Variants in SIPA1L2 observed in about 807,000 individuals in gnomAD.
The protein encoded by SIPA1L2 is signal-induced proliferation-associated 1-like protein 2.
Under a neutral mutation model 163.9 loss-of-function variants are expected in SIPA1L2, and 56 were observed. The observed-to-expected ratio is 0.34, with a 90% CI of 0.28 to 0.43. The LOEUF is 0.43. Among genes scored for constraint, SIPA1L2 ranks in the 20% least tolerant of loss-of-function variants. SIPA1L2 has a pLI of 1.00. For missense variants in SIPA1L2, 1,974 were observed against 2,193.5 expected (o/e 0.90, Z 2.00); for synonymous variants, 877 against 865.7 (o/e 1.01, Z -0.23).
At chr1:232,536,082 G>C (rs576602940) in intron 2 of SIPA1L2, among the ~76,000 whole-genome samples, 56 of 152,352 alleles carry the variant, frequency 3.7e-4, no homozygotes, top group African/African-American at 1.3e-3. Context: ...AATCTGGTGA[G>C]AAGAGATTTG....
intron 2 of SIPA1L2, among the ~76,000 whole-genome samples, chr1:232,537,016 G>A (rs1055718644): frequency 3.3e-5 from 5 of 152,134 alleles, no homozygotes; most frequent in Non-Finnish European, 7.3e-5. Context: ...CAGGTGGATC[G>A]CTGAAGCTCA....
At chr1:232,527,155 C>A (rs1375936793) in intron 2 of SIPA1L2, among the ~76,000 whole-genome samples, 1 of 152,166 alleles carries the variant, frequency 6.6e-6, no homozygotes, top group African/African-American at 2.4e-5. Flanking sequence ...ATAAACTTGT[C>A]CTAAAATAAA....
At chr1:232,544,146 T>A (rs7549623) in intron 2 of SIPA1L2, among the ~76,000 whole-genome samples, 32,056 of 152,108 alleles carry the variant, frequency 0.21, 3,528 homozygotes, top group East Asian at 0.32. Flanking sequence ...TTTTATCCTC[T>A]TATTCACGGA....
chr1:232,534,596 G>C (rs1442373113), intron 2 of SIPA1L2, among the ~76,000 whole-genome samples: 1 of 152,184 alleles, frequency 6.6e-6, no homozygotes, highest in Non-Finnish European at 1.5e-5. Flanking sequence ...ACCAAACAAA[G>C]TGAAAAGGCA....
In SIPA1L2 at chr1:232,445,690, G is replaced by A. The variant is rs12757779; in HGVS notation, c.3192C>T (p.Thr1064=). ...CEYKTPFRRN[T]TWHRVPTPAL... ...CAGGAGTGGGCACCCGGTGCCACGT[G>A]GTGTTCCTCCTGAAGGGGGTTTTAT... The change falls in exon 11 of 23, where the codon ACC becomes ACT. Residue 1064 remains threonine (T), a synonymous_variant. Transcript: ENST00000674635. The A allele has an allele frequency of 0.19, 312,095 of 1,613,200 alleles. 33,140 individuals are homozygous for A. The highest frequency in any genetic ancestry group is 0.22 in the Non-Finnish European group (259,867 of 1,179,550).
At chr1:232,480,146 TGTGTGTGC>T (rs1251438897) in intron 6 of SIPA1L2, among the ~76,000 whole-genome samples, 1 of 124,250 alleles carries the variant, frequency 8.0e-6, no homozygotes, top group African/African-American at 3.8e-5. Flanking sequence ...CATCTGTGTG[TGTGTGTGC>T]GTGTGTGTGT....
At chr1:232,524,888 C>G (rs996438885) in intron 2 of SIPA1L2, among the ~76,000 whole-genome samples, 1 of 152,094 alleles carries the variant, frequency 6.6e-6, no homozygotes, top group Non-Finnish European at 1.5e-5. Context: ...TTGTATTTTT[C>G]TAATGTGTCC....
intron 2 of SIPA1L2, among the ~76,000 whole-genome samples, chr1:232,553,047 C>T (rs1258591976): frequency 6.6e-6 from 1 of 152,166 alleles, no homozygotes; most frequent in Non-Finnish European, 1.5e-5. Context: ...CCTCTTGGTA[C>T]TCGGGTTCTT....
At chr1:232,400,576 G>A (rs955786434) in intron 22 of SIPA1L2, among the ~76,000 whole-genome samples, 3 of 151,964 alleles carry the variant, frequency 2.0e-5, no homozygotes, top group Admixed American at 6.6e-5. Flanking sequence ...TCTAAAAAAC[G>A]TGCCATTAGG....
At chr1:232,440,456 C>T (rs190296486) in intron 14 of SIPA1L2, among the ~76,000 whole-genome samples, 107 of 152,264 alleles carry the variant, frequency 7.0e-4, no homozygotes, top group Non-Finnish European at 7.3e-5. Flanking sequence ...ACCATGTATC[C>T]CTTTGCTGAA....
chr1:232,529,378 G>A (rs1388902278), intron 2 of SIPA1L2, among the ~76,000 whole-genome samples: 1 of 152,110 alleles, frequency 6.6e-6, no homozygotes, highest in Non-Finnish European at 1.5e-5. Context: ...CTATGTAACG[G>A]TATACATTAT....
intron 2 of SIPA1L2, among the ~76,000 whole-genome samples, chr1:232,529,537 A>C (rs571790143): frequency 1.1e-3 from 167 of 152,320 alleles, no homozygotes; most frequent in African/African-American, 3.8e-3. Context: ...GCATGGGCTC[A>C]AGGGTGCCAG....
At chr1:232,580,273 A>T (rs1660306227) in intron 1 of SIPA1L2, among the ~76,000 whole-genome samples, 1 of 152,172 alleles carries the variant, frequency 6.6e-6, no homozygotes, top group African/African-American at 2.4e-5. Context: ...TTAGCATATA[A>T]TGAGCAATGA....
At chr1:232,473,402 G>A (rs562749712) in intron 7 of SIPA1L2, among the ~76,000 whole-genome samples, 6 of 152,216 alleles carry the variant, frequency 3.9e-5, no homozygotes, top group Non-Finnish European at 5.9e-5. Context: ...TGAGTTCAGC[G>A]CCTCCTACTT....
At chr1:232,628,215 T>C (rs766814922) in intron 1 of SIPA1L2, among the ~76,000 whole-genome samples, 6 of 152,174 alleles carry the variant, frequency 3.9e-5, no homozygotes, top group Admixed American at 1.3e-4. Flanking sequence ...GGCTTGTGCT[T>C]AGAAATGAAA....
At chr1:232,559,478 C>G (rs1333233025) in intron 2 of SIPA1L2, among the ~76,000 whole-genome samples, 2 of 152,118 alleles carry the variant, frequency 1.3e-5, no homozygotes, top group Non-Finnish European at 2.9e-5. Flanking sequence ...AATATGCCAA[C>G]TCCTGTAAAA....
At chr1:232,616,696 G>A (rs987252400) in intron 1 of SIPA1L2, among the ~76,000 whole-genome samples, 1 of 152,210 alleles carries the variant, frequency 6.6e-6, no homozygotes, top group Non-Finnish European at 1.5e-5. Flanking sequence ...TCTTAGAGCA[G>A]GCAGAGCTAC....
chr1:232,601,156 G>A (rs562012858), intron 1 of SIPA1L2, among the ~76,000 whole-genome samples: 1 of 152,270 alleles, frequency 6.6e-6, no homozygotes, highest in African/African-American at 2.4e-5. Context: ...CTGGGCCCTG[G>A]GACACAGGCA....
intron 10 of SIPA1L2, among the ~76,000 whole-genome samples, chr1:232,455,134 C>A (rs1455456033): frequency 1.3e-5 from 2 of 152,134 alleles, no homozygotes; most frequent in East Asian, 1.9e-4. Flanking sequence ...GAGAAACTGG[C>A]CAGAGGACTC....
Sources: allele counts gnomAD v4.1 joint callset (sites outside exome capture counted in the v4.1 genomes callset), GRCh38; gene constraint gnomAD v4.1.1; transcripts MANE v1.5; gene names NCBI Gene and HGNC (gene_info 2026-07-23, HGNC 2026-07-21).